Variants in PARN observed in about 807,000 individuals in gnomAD.
PARN encodes poly(A)-specific ribonuclease, also known as poly(A)-specific ribonuclease PARN.
Under a neutral mutation model 102.8 loss-of-function variants are expected in PARN, and 71 were observed. The ratio of observed to expected loss-of-function variants is 0.69; its 90% CI spans 0.57 to 0.84. PARN has a LOEUF of 0.84. PARN is among the 40% of genes least tolerant of loss of function. The probability of loss-of-function intolerance (pLI) is 0.00; values close to 1 mark genes in which losing one functional copy is unlikely to be tolerated. For missense variants in PARN, 782 were observed against 760.9 expected (o/e 1.03, Z -0.33); for synonymous variants, 261 against 252.9 (o/e 1.03, Z -0.30).
At chr16:14,447,415 GATAAT>G (rs1961252334) in intron 22 of PARN, among the ~76,000 whole-genome samples, 4 of 152,194 alleles carry the variant, frequency 2.6e-5, no homozygotes, top group African/African-American at 7.2e-5. Flanking sequence ...GAATAGTAGA[GATAAT>G]ATAATGAAAT....
At chr16:14,469,507 G>C (rs1433252214) in intron 22 of PARN, among the ~76,000 whole-genome samples, 2 of 152,138 alleles carry the variant, frequency 1.3e-5, no homozygotes, top group Non-Finnish European at 2.9e-5. Flanking sequence ...AGAGATTCTT[G>C]AATGGCCAAA....
rs184951189 is a variant in PARN at position 14,546,859 on chromosome 16, G to C, written c.1480+5162C>G. On this transcript the variant is annotated intron_variant, in intron 21 of 23. Transcript: ENST00000437198. ...GCTTACGCTGTAATGCCAGCACTTT[G>C]GGAGGTGAGCAGATCACGAGGTCAG... 1.1e-3 allele frequency among the ~76,000 whole-genome samples: 166 copies of C among 152,226 alleles called. 1 individual carries two copies. The highest frequency in any genetic ancestry group is 3.6e-3 in the African/African-American group (148 of 41,532).
intron 22 of PARN, among the ~76,000 whole-genome samples, chr16:14,475,410 T>C (rs1807989749): frequency 6.6e-6 from 1 of 152,208 alleles, no homozygotes; most frequent in Non-Finnish European, 1.5e-5. Context: ...ACCCTGTATT[T>C]CTTCAGATCC....
intron 13 of PARN, among the ~76,000 whole-genome samples, chr16:14,591,271 G>A (rs750396673): frequency 8.6e-5 from 13 of 151,914 alleles, no homozygotes; most frequent in Non-Finnish European, 1.9e-4. Flanking sequence ...CACGCCTGTA[G>A]TCCCAGCTAC....
chr16:14,449,096 C>T (rs1236529139), intron 22 of PARN, among the ~76,000 whole-genome samples: 1 of 152,050 alleles, frequency 6.6e-6, no homozygotes, highest in Non-Finnish European at 1.5e-5. Flanking sequence ...CCTAAAAATT[C>T]CTTCGCATTG....
intron 16 of PARN, 24 bp from the exon 17 acceptor site, chr16:14,582,315 T>C (rs1969583290): frequency 6.5e-7 from 1 of 1,536,200 alleles, no homozygotes; most frequent in South Asian, 1.1e-5. Context: ...GGAAAAAGTT[T>C]TCCTCAAAAC....
chr16:14,590,613 C>A (rs1376196665), intron 13 of PARN, among the ~76,000 whole-genome samples: 1 of 147,188 alleles, frequency 6.8e-6, no homozygotes, highest in Non-Finnish European at 1.5e-5. Flanking sequence ...CCAGCCTGGG[C>A]CACAGAACAA....
Position 14,509,136 on chromosome 16 carries a change from A to G in PARN, c.1481-26309T>C, listed in dbSNP as rs992823934. 2.0e-5 allele frequency among the ~76,000 whole-genome samples: 3 copies of G among 152,122 alleles called. No homozygotes were observed. In the South Asian group the frequency reaches 6.2e-4, roughly 32 times the overall value. On this transcript the variant is annotated intron_variant, in intron 21 of 23. Transcript: ENST00000437198. ...ATGAGAAAGGTATCTCTCTCCTACA[A>G]GGTTACAGTAGGTAAGATGTTTTTG...
intron 21 of PARN, among the ~76,000 whole-genome samples, chr16:14,516,229 G>C (rs1404935756): frequency 6.6e-6 from 1 of 151,874 alleles, no homozygotes; most frequent in African/African-American, 2.4e-5. Flanking sequence ...TGACTTGAAA[G>C]AAAGTGACAC....
intron 21 of PARN, among the ~76,000 whole-genome samples, chr16:14,526,898 A>G (rs1339423129): frequency 6.6e-6 from 1 of 152,162 alleles, no homozygotes; most frequent in Non-Finnish European, 1.5e-5. Context: ...TGAAGCTCTG[A>G]GGTGAGTACC....
At chr16:14,462,332 G>A (rs926061147) in intron 22 of PARN, among the ~76,000 whole-genome samples, 2 of 151,904 alleles carry the variant, frequency 1.3e-5, no homozygotes, top group Non-Finnish European at 2.9e-5. Context: ...TGAACAAATA[G>A]ATGAAAGACA....
chr16:14,570,321 CAAAAAAAAAAAAAAAAA>C (rs59965954), intron 18 of PARN, among the ~76,000 whole-genome samples: 2 of 63,082 alleles, frequency 3.2e-5, no homozygotes, highest in Non-Finnish European at 5.2e-5. Flanking sequence ...GACTCTGTCT[CAAAAAAAAAAAAAAAAA>C]AAAAAAAAAA....
intron 15 of PARN, 146 bp from the exon 16 acceptor site, chr16:14,584,568 TC>T: frequency 1.3e-6 from 1 of 799,846 alleles, no homozygotes; most frequent in Non-Finnish European, 2.0e-6. Flanking sequence ...TTCGTTTTTT[TC>T]AATGTGAAAG....
intron 5 of PARN, among the ~76,000 whole-genome samples, chr16:14,623,752 G>A (rs1972468287): frequency 6.6e-6 from 1 of 150,736 alleles, no homozygotes; most frequent in African/African-American, 2.4e-5. Context: ...CAAGAGAATT[G>A]CTTGAACCCA....
At chr16:14,553,196 T>G (rs1248703518) in intron 20 of PARN, among the ~76,000 whole-genome samples, 3 of 140,848 alleles carry the variant, frequency 2.1e-5, no homozygotes, top group Non-Finnish European at 4.5e-5. Context: ...GGCGGGAGGA[T>G]CACTTGAGCC....
chr16:14,586,346 T>C lies in PARN; in HGVS notation c.934A>G (p.Lys312Glu). Reference protein sequence around the residue: ...CPLPADLSEFKEMTTCVFPRL... With the variant: ...CPLPADLSEFEEMTTCVFPRL... ...GGGAAAACACATGTTGTCATCTCTTTAAACTCACTTAAGTCCTAAAGAACA... is the reference window on the plus strand; with the variant it reads ...GGGAAAACACATGTTGTCATCTCTTCAAACTCACTTAAGTCCTAAAGAACA... Residue 312 changes from lysine (K) to glutamate (E), a missense_variant, in exon 14 of 24, where the codon AAA (lysine) becomes GAA (glutamate). Coordinates refer to ENST00000437198, the MANE Select transcript of PARN (RefSeq NM_002582.4). 6.5e-7 allele frequency: 1 copy of C among 1,538,134 alleles called. No individual in the cohort carries two copies. Among genetic ancestry groups the C allele is most frequent in the South Asian group, 1.2e-5 (1 of 84,178 alleles).
At position 14,630,093 on chromosome 16, in the gene PARN, C is replaced by T. The variant is rs1417825971; in HGVS notation, c.19+14G>A. 1 of 1,556,780 alleles carries T rather than the reference C, an allele frequency of 6.4e-7. No individual in the cohort carries two copies. ...GGGTGTGGGGAGGCGGGGAGGTGTA[C>T]GGCGGACACGCACTGCTCCTGATTA... On this transcript the variant is annotated intron_variant, in intron 1 of 23. Coordinates refer to ENST00000437198, the MANE Select transcript of PARN (RefSeq NM_002582.4).
chr16:14,515,788 A>T (rs1023243528), intron 21 of PARN, among the ~76,000 whole-genome samples: 17 of 150,870 alleles, frequency 1.1e-4, no homozygotes, highest in South Asian at 2.1e-4. Context: ...TTTTTTTTTT[A>T]AATTAGCCAG....
intron 21 of PARN, among the ~76,000 whole-genome samples, chr16:14,491,890 C>T (rs1964076144): frequency 6.6e-6 from 1 of 152,210 alleles, no homozygotes; most frequent in South Asian, 2.1e-4. Flanking sequence ...AATGAGGATA[C>T]AAACTTATAC....
Sources: allele counts gnomAD v4.1 joint callset (sites outside exome capture counted in the v4.1 genomes callset), GRCh38; gene constraint gnomAD v4.1.1; transcripts MANE v1.5; gene names NCBI Gene and HGNC (gene_info 2026-07-23, HGNC 2026-07-21).